The following SLC71A2 variants were observed in gnomAD, a reference collection of about 807,000 sequenced individuals.
SLC71A2 encodes the protein solute carrier family 71 member 2.
the SLC71A2 span, among the ~76,000 whole-genome samples, chr9:94,450,507 T>TTTTTTTTTTTTTTTTTTTTTTCC: frequency 7.3e-6 from 1 of 137,220 alleles, no homozygotes; most frequent in African/African-American, 3.0e-5. Context: ...TTTTTTTTTT[T>TTTTTTTTTTTTTTTTTTTTTTCC]GAGATGGAGT....
At chr9:94,440,176 C>T in the SLC71A2 span, among the ~76,000 whole-genome samples, 1,950 of 151,042 alleles carry the variant, frequency 0.013, 37 homozygotes, top group African/African-American at 0.045. Context: ...TTTTTTGAGA[C>T]GGAGTCTCTC....
At chr9:94,379,113 T>G in the SLC71A2 span, among the ~76,000 whole-genome samples, 2 of 144,672 alleles carry the variant, frequency 1.4e-5, no homozygotes, top group African/African-American at 2.6e-5. Flanking sequence ...TGAGACGGAG[T>G]TTCACTGTTG....
At chr9:94,438,373 C>A in the SLC71A2 span, 2 of 1,614,054 alleles carry the variant, frequency 1.2e-6, no homozygotes, top group Non-Finnish European at 1.7e-6. Context: ...GATTATAAAA[C>A]TAACCTTTGC....
the SLC71A2 span, among the ~76,000 whole-genome samples, chr9:94,435,650 C>CTT: frequency 0.046 from 2,212 of 48,262 alleles, 61 homozygotes; most frequent in African/African-American, 0.15. Flanking sequence ...TTTCCTTCTT[C>CTT]TTTTTTTTTT....
the SLC71A2 span, chr9:94,429,070 T>C: frequency 7.0e-7 from 1 of 1,423,322 alleles, no homozygotes; most frequent in Non-Finnish European, 9.5e-7. Context: ...TGAATTTTGT[T>C]GATATTTTAT....
At chr9:94,450,507 T>TTTTTTTTTTTTTTTC in the SLC71A2 span, among the ~76,000 whole-genome samples, 10 of 137,216 alleles carry the variant, frequency 7.3e-5, no homozygotes, top group South Asian at 2.2e-4. Context: ...TTTTTTTTTT[T>TTTTTTTTTTTTTTTC]GAGATGGAGT....
chr9:94,428,139 G>T, the SLC71A2 span, among the ~76,000 whole-genome samples: 332 of 150,900 alleles, frequency 2.2e-3, 3 homozygotes, highest in African/African-American at 7.4e-3. Flanking sequence ...AAAAAAAGTT[G>T]ACATGATCCG....
the SLC71A2 span, among the ~76,000 whole-genome samples, chr9:94,414,399 A>T: frequency 6.6e-6 from 1 of 152,188 alleles, no homozygotes; most frequent in Non-Finnish European, 1.5e-5. Flanking sequence ...ACATCTCTGG[A>T]ATTGAGATAT....
At chr9:94,386,212 A>G in the SLC71A2 span, among the ~76,000 whole-genome samples, 4 of 149,024 alleles carry the variant, frequency 2.7e-5, no homozygotes, top group African/African-American at 9.8e-5. Context: ...TTTTTCTTTT[A>G]GATGCTGTTA....
the SLC71A2 span, chr9:94,446,905 A>G: frequency 1.2e-6 from 2 of 1,607,956 alleles, no homozygotes; most frequent in South Asian, 1.1e-5. Context: ...GAAGCTGGAC[A>G]GTATTCAAGT....
chr9:94,391,769 G>T, the SLC71A2 span, among the ~76,000 whole-genome samples: 1 of 151,042 alleles, frequency 6.6e-6, no homozygotes, highest in Non-Finnish European at 1.5e-5. Flanking sequence ...GGCACGTGTA[G>T]TCCCAGCTAC....
the SLC71A2 span, chr9:94,438,567 T>G: frequency 2.5e-6 from 4 of 1,603,002 alleles, no homozygotes; most frequent in Admixed American, 5.2e-5. Flanking sequence ...CTGCTTGTTT[T>G]GAGTCACATG....
the SLC71A2 span, among the ~76,000 whole-genome samples, chr9:94,439,408 G>A: frequency 3.3e-5 from 5 of 151,672 alleles, no homozygotes; most frequent in African/African-American, 7.3e-5. Flanking sequence ...CATGTGAGCC[G>A]TAACTTAGTT....
chr9:94,457,482 A>ATCTT, the SLC71A2 span, among the ~76,000 whole-genome samples: 17 of 151,502 alleles, frequency 1.1e-4, no homozygotes, highest in Admixed American at 1.1e-3. Flanking sequence ...GAAGTTAGGT[A>ATCTT]TCTTACTCAG....
the SLC71A2 span, among the ~76,000 whole-genome samples, chr9:94,452,770 A>G: frequency 6.7e-6 from 1 of 149,402 alleles, no homozygotes; most frequent in African/African-American, 2.4e-5. Flanking sequence ...GTATTGATAA[A>G]TGATTTTCAG....
the SLC71A2 span, among the ~76,000 whole-genome samples, chr9:94,387,791 C>T: frequency 6.6e-6 from 1 of 152,210 alleles, no homozygotes; most frequent in South Asian, 2.1e-4. Context: ...TGTGCTGTCA[C>T]AGAGTTAGGC....
chr9:94,380,454 A>G, the SLC71A2 span, among the ~76,000 whole-genome samples: 8 of 117,542 alleles, frequency 6.8e-5, no homozygotes, highest in Admixed American at 1.9e-4. Flanking sequence ...AGAGAAATCT[A>G]TTCTTAATGT....
chr9:94,375,092 G>C, the SLC71A2 span, among the ~76,000 whole-genome samples: 1 of 152,102 alleles, frequency 6.6e-6, no homozygotes, highest in Non-Finnish European at 1.5e-5. Flanking sequence ...GTTTTTCCTA[G>C]TGACTGCTCA....
chr9:94,389,987 G>T, the SLC71A2 span, among the ~76,000 whole-genome samples: 1 of 152,134 alleles, frequency 6.6e-6, no homozygotes, highest in African/African-American at 2.4e-5. Context: ...GGCCGAGGTG[G>T]GTGGATCACG....
Sources: gnomAD v4.1 joint callset for allele counts (sites outside exome capture counted in the v4.1 genomes callset) on GRCh38, gnomAD v4.1.1 for gene constraint, MANE v1.5 for transcripts, NCBI Gene and HGNC (gene_info 2026-07-23, HGNC 2026-07-21) for gene names.